Variants in PDE6D observed in about 807,000 individuals in gnomAD.
The protein encoded by PDE6D is retinal rod rhodopsin-sensitive cGMP 3',5'-cyclic phosphodiesterase subunit delta.
A neutral mutation model predicts 21.9 loss-of-function variants in PDE6D; 10 were observed. That is an observed-to-expected ratio of 0.46 (90% CI 0.28 to 0.78). PDE6D has a LOEUF of 0.78. Ranked by LOEUF, PDE6D falls within the 30% of genes least tolerant of loss-of-function variation. PDE6D has a pLI of 0.12. For missense variants in PDE6D, 139 were observed against 184.8 expected (o/e 0.75, Z 1.44); for synonymous variants, 59 against 63.5 (o/e 0.93, Z 0.34).
chr2:231,737,784 A>C (rs1574616719), intron 3 of PDE6D: 1 of 478,392 alleles, frequency 2.1e-6, no homozygotes. Context: ...TAAACCAGGC[A>C]CCACCATCCA....
chr2:231,738,202 A>C (rs1386334035), intron 2 of PDE6D, 64 bp from the exon 3 acceptor site: 2 of 1,479,338 alleles, frequency 1.4e-6, no homozygotes, highest in Non-Finnish European at 1.8e-6. Context: ...ATGATGCTTC[A>C]AATTTCTGGG....
intron 1 of PDE6D, among the ~76,000 whole-genome samples, chr2:231,760,597 C>T (rs1233080229): frequency 6.6e-6 from 1 of 152,012 alleles, no homozygotes; most frequent in East Asian, 1.9e-4. Flanking sequence ...TCCTGCATAC[C>T]CAGTTTGTAC....
At chr2:231,771,376 C>G (rs2049014528) in intron 1 of PDE6D, among the ~76,000 whole-genome samples, 1 of 152,174 alleles carries the variant, frequency 6.6e-6, no homozygotes, top group Non-Finnish European at 1.5e-5. Context: ...TTTAAAAAGA[C>G]AAAACAAGGC....
intron 4 of PDE6D, among the ~76,000 whole-genome samples, chr2:231,733,395 C>T (rs1281463989): frequency 2.6e-5 from 4 of 152,152 alleles, no homozygotes; most frequent in African/African-American, 9.7e-5. Context: ...ATATAGAAGC[C>T]TGCAGACCTC....
chr2:231,733,951 G>A (rs1030181508), intron 4 of PDE6D, among the ~76,000 whole-genome samples: 1 of 152,124 alleles, frequency 6.6e-6, no homozygotes, highest in Non-Finnish European at 1.5e-5. Context: ...GGTGGCTCAT[G>A]CCTGTAATCC....
chr2:231,749,073 A>G (rs1209224949), intron 1 of PDE6D, among the ~76,000 whole-genome samples: 1 of 152,186 alleles, frequency 6.6e-6, no homozygotes, highest in Non-Finnish European at 1.5e-5. Context: ...AGCTGCGAGA[A>G]GAGGTCCACT....
chr2:231,739,201 G>A lies in PDE6D; in HGVS notation c.51-13C>T, dbSNP rs2048727907. The A allele has an allele frequency of 6.4e-7, 1 of 1,559,824 alleles. No homozygotes were observed. Among genetic ancestry groups the A allele is most frequent in the Non-Finnish European group, 8.8e-7 (1 of 1,130,734 alleles). On this transcript the variant is annotated splice_polypyrimidine_tract_variant and intron_variant, in intron 1 of 4. Coordinates refer to ENST00000287600, the MANE Select transcript of PDE6D (RefSeq NM_002601.4). The surrounding 1 kb of genome is among the most constrained non-coding windows in gnomAD (Gnocchi z 4.2). ...GTTCATCCAATTTCTGATCAAATAT[G>A]ACTAAGGAAAAATAAGGCACTGAAA...
intron 1 of PDE6D, among the ~76,000 whole-genome samples, chr2:231,745,052 A>G (rs1036015106): frequency 6.6e-6 from 1 of 152,184 alleles, no homozygotes; most frequent in African/African-American, 2.4e-5. Context: ...AGTTCATGGT[A>G]GAAATGCAGC....
intron 1 of PDE6D, among the ~76,000 whole-genome samples, chr2:231,769,528 T>TCA (rs754563740): frequency 2.4e-4 from 35 of 148,066 alleles, no homozygotes; most frequent in South Asian, 2.1e-4. Context: ...TCTCTCTCTC[T>TCA]CACACACACA....
At chr2:231,770,166 C>G (rs996439661) in intron 1 of PDE6D, among the ~76,000 whole-genome samples, 1 of 152,152 alleles carries the variant, frequency 6.6e-6, no homozygotes, top group Non-Finnish European at 1.5e-5. Flanking sequence ...ACTATATGGA[C>G]ACAATCTTGT....
chr2:231,761,551 C>T (rs547900509), intron 1 of PDE6D, among the ~76,000 whole-genome samples: 1 of 152,290 alleles, frequency 6.6e-6, no homozygotes, highest in Non-Finnish European at 1.5e-5. Context: ...TTGCATTTCT[C>T]AGGGCTAGCT....
At chr2:231,769,524 TCTCTCA>T (rs1002699925) in intron 1 of PDE6D, among the ~76,000 whole-genome samples, 7 of 151,702 alleles carry the variant, frequency 4.6e-5, no homozygotes, top group South Asian at 2.1e-4. Flanking sequence ...TCTCTCTCTC[TCTCTCA>T]CACACACACA....
intron 1 of PDE6D, among the ~76,000 whole-genome samples, chr2:231,756,712 T>C (rs1326360885): frequency 6.6e-6 from 1 of 151,408 alleles, no homozygotes; most frequent in Non-Finnish European, 1.5e-5. Flanking sequence ...AGTGTTGAGA[T>C]TATAGGCATG....
chr2:231,744,886 T>C (rs2048781479), intron 1 of PDE6D, among the ~76,000 whole-genome samples: 1 of 152,226 alleles, frequency 6.6e-6, no homozygotes, highest in Non-Finnish European at 1.5e-5. Flanking sequence ...CATTTTATAA[T>C]CCTTGCACAT....
chr2:231,771,360 T>C (rs1020182202), intron 1 of PDE6D, among the ~76,000 whole-genome samples: 2 of 152,206 alleles, frequency 1.3e-5, no homozygotes, highest in African/African-American at 2.4e-5. Flanking sequence ...GTAGAAAACA[T>C]GGACTTTTAA....
chr2:231,776,684 G>A (rs184404822), intron 1 of PDE6D, among the ~76,000 whole-genome samples: 1 of 152,286 alleles, frequency 6.6e-6, no homozygotes, highest in East Asian at 1.9e-4. Context: ...TCCTTCAAGT[G>A]TAGAGTGCCC....
chr2:231,765,955 G>A (rs2048967833), intron 1 of PDE6D, among the ~76,000 whole-genome samples: 1 of 152,046 alleles, frequency 6.6e-6, no homozygotes, highest in Non-Finnish European at 1.5e-5. Context: ...GCCCTCTTAT[G>A]CTTCTGCCTT....
At chr2:231,780,508 A>G (rs1329322350) in intron 1 of PDE6D, among the ~76,000 whole-genome samples, 1 of 152,142 alleles carries the variant, frequency 6.6e-6, no homozygotes, top group East Asian at 1.9e-4. Flanking sequence ...AGTTTGGAAG[A>G]GAAGTTGTGG....
chr2:231,752,349 T>C (rs2048846033), intron 1 of PDE6D, among the ~76,000 whole-genome samples: 1 of 152,214 alleles, frequency 6.6e-6, no homozygotes, highest in Non-Finnish European at 1.5e-5. Context: ...GAGATTTAAT[T>C]TGTAAACAAC....
Sources: gnomAD v4.1 joint callset for allele counts (sites outside exome capture counted in the v4.1 genomes callset) on GRCh38, gnomAD v4.1.1 for gene constraint, Gnocchi (gnomAD v3.1) non-coding constraint, MANE v1.5 for transcripts, NCBI Gene and HGNC (gene_info 2026-07-23, HGNC 2026-07-21) for gene names.